Variants in TLN2 observed in about 807,000 individuals in gnomAD.
TLN2 encodes talin-2.
Under a neutral mutation model 294.7 loss-of-function variants are expected in TLN2, and 118 were observed. The ratio of observed to expected loss-of-function variants is 0.40; its 90% CI spans 0.34 to 0.47. TLN2 has a LOEUF of 0.47. Among genes scored for constraint, TLN2 ranks in the 20% least tolerant of loss-of-function variants. The probability of loss-of-function intolerance (pLI) is 0.84; values close to 1 mark genes in which losing one functional copy is unlikely to be tolerated. For missense variants in TLN2, 3,083 were observed against 3,282.2 expected, an observed-to-expected ratio of 0.94 and a Z score of 1.48; for synonymous variants, 1,431 against 1,304.5, an observed-to-expected ratio of 1.10 and a Z score of -2.09.
At chr15:62,557,004 T>C (rs917441980) in intron 1 of TLN2, among the ~76,000 whole-genome samples, 1 of 152,214 alleles carries the variant, frequency 6.6e-6, no homozygotes, top group African/African-American at 2.4e-5. Context: ...GATTTTATGA[T>C]TGATCAAAAA....
chr15:62,553,776 C>T (rs1285803837), intron 1 of TLN2, among the ~76,000 whole-genome samples: 3 of 152,010 alleles, frequency 2.0e-5, no homozygotes, highest in Admixed American at 6.6e-5. Flanking sequence ...TTTGTTATTG[C>T]ATATAATTTA....
rs150278298 is a variant in TLN2, at chr15:62,569,462, C to T, written c.-237-20225C>T. On this transcript the variant is annotated intron_variant, in intron 1 of 58. Transcript: ENST00000636159. ...AAACTGGGAGATTCAGAAAGTTCCC[C>T]GCGGGAGGCAGGGGTTAGCCCGGCA... is the stretch of plus-strand genomic sequence containing the variant. 3.0e-4 allele frequency among the ~76,000 whole-genome samples: 46 copies of T among 152,266 alleles called. No individual in the cohort carries two copies. The East Asian group carries it at 7.8e-3, about 26-fold the overall frequency.
At chr15:62,816,711 C>T (rs1009501152) in intron 52 of TLN2, among the ~76,000 whole-genome samples, 6 of 152,102 alleles carry the variant, frequency 3.9e-5, no homozygotes, top group African/African-American at 1.2e-4. Flanking sequence ...TATGAGTGTC[C>T]GCACCATACC....
chr15:62,423,858 G>T (rs1334421727), intron 1 of TLN2, among the ~76,000 whole-genome samples: 1 of 152,222 alleles, frequency 6.6e-6, no homozygotes, highest in Non-Finnish European at 1.5e-5. Flanking sequence ...GGGATTACAG[G>T]CGTGAGCAAC....
At chr15:62,782,187 A>G (rs2064234146) in intron 44 of TLN2, among the ~76,000 whole-genome samples, 1 of 152,164 alleles carries the variant, frequency 6.6e-6, no homozygotes, top group Admixed American at 6.5e-5. Context: ...TCATGTGTCC[A>G]CTAGGGGTTG....
intron 1 of TLN2, among the ~76,000 whole-genome samples, chr15:62,494,565 A>G (rs1258662573): frequency 6.6e-6 from 1 of 152,112 alleles, no homozygotes; most frequent in African/African-American, 2.4e-5. Flanking sequence ...TTCAAGAGTC[A>G]TGTTTCCCCA....
chr15:62,424,382 A>G (rs1206077987), intron 1 of TLN2, among the ~76,000 whole-genome samples: 1 of 152,214 alleles, frequency 6.6e-6, no homozygotes, highest in Non-Finnish European at 1.5e-5. Context: ...TGAAGGCCTC[A>G]GGTAGGCTTG....
intron 1 of TLN2, among the ~76,000 whole-genome samples, chr15:62,571,753 T>C (rs1476058278): frequency 1.3e-5 from 2 of 152,236 alleles, no homozygotes; most frequent in Admixed American, 6.5e-5. Flanking sequence ...AAATAAATCC[T>C]CAACATCACA....
intron 1 of TLN2, among the ~76,000 whole-genome samples, chr15:62,562,844 T>C (rs545821843): frequency 6.6e-6 from 1 of 150,766 alleles, no homozygotes. Flanking sequence ...TAGTCTCCAG[T>C]TCCATCTAGG....
chr15:62,647,515 AC>A (rs2052024200), intron 4 of TLN2, 69 bp downstream of exon 4: 1 of 1,604,698 alleles, frequency 6.2e-7, no homozygotes, highest in African/African-American at 1.3e-5. Flanking sequence ...TGCTAAAGAG[AC>A]AGAGGCTCCA....
At position 62,702,079 on chromosome 15, in the gene TLN2, A is replaced by G. The variant is rs1436005309; in HGVS notation, c.1784A>G (p.Lys595Arg). Residue 595 changes from lysine to arginine, a missense_variant, in exon 18 of 59, where the codon AAG (lysine) becomes AGG (arginine). By Grantham distance (26) the Lys-to-Arg change is conservative. Coordinates refer to ENST00000636159, the MANE Select transcript of TLN2 (RefSeq NM_015059.3). ...SNLTEMSKGV[K>R]LLAALMDDEV... ...CTGACGGAGATGTCCAAGGGTGTGA[A>G]GCTATTGGCCGCCCTCATGGATGAT... is the stretch of plus-strand genomic sequence containing the variant. 1 of 1,614,220 alleles carries G rather than the reference A, an allele frequency of 6.2e-7. No homozygotes were observed. Among genetic ancestry groups the G allele is most frequent in the African/African-American group, 1.3e-5 (1 of 75,054 alleles).
chr15:62,627,480 T>A (rs553791597), intron 3 of TLN2, among the ~76,000 whole-genome samples: 54 of 152,336 alleles, frequency 3.5e-4, no homozygotes, highest in Non-Finnish European at 5.9e-5. Context: ...ATGGTAACAT[T>A]TAACAGTTGT....
chr15:62,552,598 T>G (rs963414001), intron 1 of TLN2, among the ~76,000 whole-genome samples: 2 of 152,310 alleles, frequency 1.3e-5, no homozygotes, highest in East Asian at 1.9e-4. Context: ...GAGCCCCTGG[T>G]GTAGTGCTGA....
At chr15:62,453,776 GT>G (rs752749577) in intron 1 of TLN2, 2 of 152,318 alleles carry the variant, frequency 1.3e-5, no homozygotes, top group Non-Finnish European at 2.9e-5. Context: ...CTCTCTCTGT[GT>G]TTTCTGTGTG....
At position 62,398,409 on chromosome 15, in the gene TLN2, G is replaced by C. The variant is rs2032739744; in HGVS notation, c.-238+7724G>C. Among the ~76,000 whole-genome samples the C allele has an allele frequency of 2.0e-5, 3 of 152,104 alleles. No homozygotes were observed. In the South Asian group the frequency reaches 6.2e-4, roughly 31 times the overall value. Reference sequence around the variant, plus strand: ...TCCTTTATAAATTACCCAGTCTTGGGTATGGGTAATAGAGTAAATTGGTAC... The same window carrying C: ...TCCTTTATAAATTACCCAGTCTTGGCTATGGGTAATAGAGTAAATTGGTAC... On this transcript the variant is annotated intron_variant, in intron 1 of 58. Transcript: ENST00000636159.
intron 2 of TLN2, among the ~76,000 whole-genome samples, chr15:62,598,020 T>A (rs529737657): frequency 1.1e-4 from 16 of 152,304 alleles, no homozygotes; most frequent in Non-Finnish European, 2.4e-4. Flanking sequence ...TATTGGAGAA[T>A]CACCCCAGGC....
At chr15:62,837,442 G>A (rs1455388349) in intron 57 of TLN2, among the ~76,000 whole-genome samples, 1 of 152,164 alleles carries the variant, frequency 6.6e-6, no homozygotes, top group African/African-American at 2.4e-5. Context: ...GTAAAATGGG[G>A]ATAGAGCCAT....
In TLN2 at chr15:62,655,668, ACG is replaced by A. The variant is rs1240642843; in HGVS notation, c.518-275_518-274del. Reference sequence around the variant, plus strand: ...CCATGGGAATGCGTCAGTGGAGAGAACGTGTCACTCCCCGAAGCCTCTGATGC... The same window carrying A: ...CCATGGGAATGCGTCAGTGGAGAGAATGTCACTCCCCGAAGCCTCTGATGC... On this transcript the variant is annotated intron_variant, in intron 7 of 58. Coordinates refer to ENST00000636159, the MANE Select transcript of TLN2 (RefSeq NM_015059.3). Among the ~76,000 whole-genome samples the A allele has an allele frequency of 2.2e-4, 32 of 144,806 alleles. 11 individuals are homozygous for A. Among genetic ancestry groups the A allele is most frequent in the African/African-American group, 5.8e-4 (23 of 39,628 alleles). The allele number at this position is 144,806 out of a possible 152,430, so 95.0% of individuals were successfully genotyped here. A position where few individuals can be genotyped will look rare whatever the true frequency, so the allele number is the denominator to read the frequency against.
intron 1 of TLN2, among the ~76,000 whole-genome samples, chr15:62,411,753 C>T (rs191513876): frequency 7.0e-4 from 106 of 152,182 alleles, no homozygotes; most frequent in African/African-American, 2.2e-3. Flanking sequence ...TTTTCAAGTA[C>T]GCCAGAACTT....
Sources: gnomAD v4.1 joint callset for allele counts (sites outside exome capture counted in the v4.1 genomes callset) on GRCh38, gnomAD v4.1.1 for gene constraint, MANE v1.5 for transcripts, NCBI Gene and HGNC (gene_info 2026-07-23, HGNC 2026-07-21) for gene names.